HMCN1: variants seen among roughly 807,000 people sequenced by gnomAD.
HMCN1 encodes the protein hemicentin 1.
A neutral mutation model predicts 625.9 loss-of-function variants in HMCN1; 321 were observed. The ratio of observed to expected loss-of-function variants is 0.51; its 90% CI spans 0.47 to 0.56. The LOEUF is 0.56. HMCN1 is among the 20% of genes least tolerant of loss of function. The probability of loss-of-function intolerance (pLI) is 0.00; values close to 1 mark genes in which losing one functional copy is unlikely to be tolerated. For synonymous variants in HMCN1, 2,425 were observed against 2,417.6 expected, an observed-to-expected ratio of 1.00 and a Z score of -0.09; for missense variants, 6,588 against 6,887.3, an observed-to-expected ratio of 0.96 and a Z score of 1.54.
intron 77 of HMCN1, 88 bp downstream of exon 77, chr1:186,117,711 AAG>A (rs1661202839): frequency 7.7e-7 from 1 of 1,297,710 alleles, no homozygotes; most frequent in South Asian, 1.2e-5. Flanking sequence ...ACCAGAATAA[AAG>A]AATAAAATAT....
At chr1:186,154,968 A>G (rs1028115052) in intron 97 of HMCN1, among the ~76,000 whole-genome samples, 1 of 152,200 alleles carries the variant, frequency 6.6e-6, no homozygotes, top group African/African-American at 2.4e-5. Context: ...CCTGTTAGAC[A>G]TTAAATGTTT....
intron 36 of HMCN1, among the ~76,000 whole-genome samples, chr1:186,023,606 A>G (rs1254683562): frequency 2.0e-5 from 3 of 152,192 alleles, no homozygotes; most frequent in Non-Finnish European, 2.9e-5. Flanking sequence ...GAGCACCTCA[A>G]TAAAATCATA....
intron 105 of HMCN1, among the ~76,000 whole-genome samples, chr1:186,184,481 T>A (rs1653152552): frequency 6.6e-6 from 1 of 152,200 alleles, no homozygotes; most frequent in Non-Finnish European, 1.5e-5. Context: ...ACAAAAAGCA[T>A]GACCAATCAA....
rs898530666 is a variant in HMCN1 at position 185,920,397 on chromosome 1, T to A, written c.901-1982T>A. 2.0e-5 allele frequency among the ~76,000 whole-genome samples: 3 copies of A among 152,196 alleles called. No individual in the cohort carries two copies. In the East Asian group the frequency reaches 5.8e-4, roughly 29 times the overall value. On this transcript the variant is annotated intron_variant, in intron 6 of 106. Coordinates refer to ENST00000271588, the MANE Select transcript of HMCN1 (RefSeq NM_031935.3). Reference sequence around the variant, plus strand: ...ATTCATCAAAGACATTCCTACTGTCTACAGTATAGTATAGACACATGAAAT... The same window carrying A: ...ATTCATCAAAGACATTCCTACTGTCAACAGTATAGTATAGACACATGAAAT...
chr1:186,166,757 G>C, intron 99 of HMCN1, 51 bp from the exon 100 acceptor site: 21 of 1,613,524 alleles, frequency 1.3e-5, no homozygotes, highest in Non-Finnish European at 1.6e-5. Context: ...GCAGGTTCTT[G>C]GGCTGGGTGT....
At chr1:185,980,702 C>A (rs74134252) in intron 16 of HMCN1, among the ~76,000 whole-genome samples, 4,686 of 152,252 alleles carry the variant, frequency 0.031, 253 homozygotes, top group African/African-American at 0.11. Context: ...CTGGACTGCC[C>A]GTCCTCTATT....
intron 93 of HMCN1, among the ~76,000 whole-genome samples, chr1:186,146,808 G>A (rs551668705): frequency 6.6e-6 from 1 of 152,226 alleles, no homozygotes; most frequent in South Asian, 2.1e-4. Flanking sequence ...GGTAGTAGCA[G>A]GGCCCCAGTG....
At position 186,122,022 on chromosome 1, in the gene HMCN1, C is replaced by T. The variant is rs1031160097; in HGVS notation, c.12230-929C>T. ...TCATTGGTTTCAGCAACACAGAGGT[C>T]GTAGAAAAGAACATTTTTAGATTTG... is the stretch of plus-strand genomic sequence containing the variant. On this transcript the variant is annotated intron_variant, in intron 80 of 106. Coordinates refer to ENST00000271588, the MANE Select transcript of HMCN1 (RefSeq NM_031935.3). Among the ~76,000 whole-genome samples the T allele has an allele frequency of 4.6e-5, 7 of 152,118 alleles. No homozygotes were observed. In the East Asian group the frequency reaches 9.7e-4, roughly 21 times the overall value.
chr1:186,070,468 A>C (rs78286592), intron 51 of HMCN1, 144 bp from the exon 52 acceptor site: 7,534 of 716,410 alleles, frequency 0.011, 64 homozygotes, highest in Middle Eastern at 0.022. Flanking sequence ...TAAGATGTTA[A>C]CTTAGATACT....
intron 105 of HMCN1, among the ~76,000 whole-genome samples, chr1:186,185,103 T>G (rs1653197396): frequency 6.6e-6 from 1 of 152,190 alleles, no homozygotes; most frequent in Non-Finnish European, 1.5e-5. Context: ...CTATATTAGA[T>G]TCTGATATTT....
At position 186,057,281 on chromosome 1, in the gene HMCN1, G is replaced by A. The variant is rs1657396601; in HGVS notation, c.7192G>A (p.Val2398Met). The change falls in exon 46 of 107, where the codon GTG (valine) becomes ATG (methionine). Residue 2398 changes from valine (V) to methionine (M), a missense_variant. Around this residue, in one of 3 missense-constraint regions of HMCN1, gnomAD observed 4,628 missense variants for 4,853.1 expected, o/e 0.95. Coordinates refer to ENST00000271588, the MANE Select transcript of HMCN1 (RefSeq NM_031935.3). The part of the protein sequence containing the change: ...GNHRSPENIS[V>M]VEKNSVSLTC... ...CCACAGGTCACCTGAAAATATTAGT[G>A]TGGTAGAAAAGAACTCAGTATCTTT... 1 of 1,611,422 alleles carries A rather than the reference G, an allele frequency of 6.2e-7. No individual in the cohort carries two copies. The highest frequency in any genetic ancestry group is 1.7e-5 in the Admixed American group (1 of 59,814).
At position 186,151,263 on chromosome 1, in the gene HMCN1, CT is replaced by C; in HGVS notation, c.14675del (p.Phe4892SerfsTer6). 6.2e-7 allele frequency: 1 copy of C among 1,613,618 alleles called. No individual in the cohort carries two copies. Among genetic ancestry groups the C allele is most frequent in the Non-Finnish European group, 8.5e-7 (1 of 1,179,600 alleles). The part of the protein sequence containing the change: ...GNINDVEFGI[A>X]FLNATITDSP... ...ATTAATGATGTTGAATTTGGAATTG[CT>C]TTCCTTAATGCCACAATAACTGATA... On this transcript the variant is annotated frameshift_variant, in exon 94 of 107. Coordinates refer to ENST00000271588, the MANE Select transcript of HMCN1 (RefSeq NM_031935.3). LOFTEE classifies it high-confidence loss of function.
intron 1 of HMCN1, among the ~76,000 whole-genome samples, chr1:185,784,054 G>A (rs1401112534): frequency 4.6e-5 from 7 of 152,268 alleles, no homozygotes; most frequent in Admixed American, 6.5e-5. Context: ...CAGCAATGGC[G>A]GTCGCCCCTC....
intron 75 of HMCN1, among the ~76,000 whole-genome samples, chr1:186,116,028 A>G (rs1398039309): frequency 1.3e-5 from 2 of 152,158 alleles, no homozygotes; most frequent in Non-Finnish European, 2.9e-5. Context: ...CATTTGCCAT[A>G]GCGCTAAAAA....
chr1:186,069,107 C>G (rs910461384), intron 50 of HMCN1, among the ~76,000 whole-genome samples: 2 of 152,072 alleles, frequency 1.3e-5, no homozygotes, highest in Non-Finnish European at 2.9e-5. Flanking sequence ...ACCCACTACC[C>G]GAAACTTGAG....
intron 30 of HMCN1, among the ~76,000 whole-genome samples, chr1:186,012,164 G>GA (rs1654042515): frequency 2.7e-5 from 4 of 150,060 alleles, no homozygotes; most frequent in South Asian, 2.1e-4. Context: ...ATAATACAAT[G>GA]AAAAAACATA....
chr1:185,826,013 G>A (rs1352909380), intron 1 of HMCN1, among the ~76,000 whole-genome samples: 1 of 152,144 alleles, frequency 6.6e-6, no homozygotes, highest in Non-Finnish European at 1.5e-5. Context: ...TTTGAGTGGG[G>A]TTCAGAGTAA....
At chr1:186,056,875 A>G (rs185190022) in intron 45 of HMCN1, among the ~76,000 whole-genome samples, 81 of 152,070 alleles carry the variant, frequency 5.3e-4, no homozygotes, top group African/African-American at 1.8e-3. Context: ...AAACCTGCAC[A>G]TGAATCCCCT....
chr1:185,877,836 A>T (rs1038387931), intron 4 of HMCN1, among the ~76,000 whole-genome samples: 86 of 152,150 alleles, frequency 5.7e-4, no homozygotes, highest in African/African-American at 2.0e-3. Flanking sequence ...TTTGTCACCT[A>T]GGTACTAAAC....
Sources: allele counts gnomAD v4.1 joint callset (sites outside exome capture counted in the v4.1 genomes callset), GRCh38; gene constraint gnomAD v4.1.1; regional missense constraint gnomAD v4.1.1; transcripts MANE v1.5; gene names NCBI Gene and HGNC (gene_info 2026-07-23, HGNC 2026-07-21).